Variants in GULP1 observed in about 807,000 individuals in gnomAD.
GULP1 encodes the protein GULP PTB domain containing engulfment adaptor 1.
A neutral mutation model predicts 40.9 loss-of-function variants in GULP1; 19 were observed. The ratio of observed to expected loss-of-function variants is 0.46; its 90% CI spans 0.32 to 0.68. GULP1 has a LOEUF of 0.68. Ranked by LOEUF, GULP1 falls within the 30% of genes least tolerant of loss-of-function variation. The pLI is 0.03. For missense variants in GULP1, 312 were observed against 362.2 expected (o/e 0.86, Z 1.12); for synonymous variants, 119 against 117.6 (o/e 1.01, Z -0.08).
At chr2:188,441,771 T>A (rs2057955672) in intron 2 of GULP1, among the ~76,000 whole-genome samples, 2 of 152,192 alleles carry the variant, frequency 1.3e-5, no homozygotes, top group Admixed American at 6.5e-5. Flanking sequence ...TTTGGTTAAA[T>A]GAGCCAGTAT....
intron 1 of GULP1, among the ~76,000 whole-genome samples, chr2:188,342,202 G>A (rs180671524): frequency 2.6e-4 from 40 of 152,306 alleles, no homozygotes; most frequent in Admixed American, 2.4e-3. Flanking sequence ...CTGGAGGCCG[G>A]AAGTTCAAAA....
chr2:188,518,687 C>T (rs2065430877), intron 4 of GULP1, among the ~76,000 whole-genome samples: 1 of 152,108 alleles, frequency 6.6e-6, no homozygotes, highest in African/African-American at 2.4e-5. Context: ...CCCAGGAGAA[C>T]TGAGCAGGCA....
intron 2 of GULP1, among the ~76,000 whole-genome samples, chr2:188,404,216 A>G (rs1365533052): frequency 6.6e-6 from 1 of 152,184 alleles, no homozygotes; most frequent in African/African-American, 2.4e-5. Flanking sequence ...ATAATTATAA[A>G]GACTGGTTGT....
chr2:188,345,253 C>T (rs1574581274), intron 1 of GULP1, among the ~76,000 whole-genome samples: 3 of 152,178 alleles, frequency 2.0e-5, no homozygotes, highest in South Asian at 2.1e-4. Context: ...CTCTCCTAAG[C>T]GTTTTGCACT....
chr2:188,452,423 T>C (rs1193055912), intron 2 of GULP1, among the ~76,000 whole-genome samples: 1 of 152,210 alleles, frequency 6.6e-6, no homozygotes, highest in Non-Finnish European at 1.5e-5. Flanking sequence ...TCAAGTCTCC[T>C]TTTTAGATGC....
At chr2:188,374,394 T>C (rs1258760763) in intron 1 of GULP1, among the ~76,000 whole-genome samples, 1 of 152,124 alleles carries the variant, frequency 6.6e-6, no homozygotes, top group Non-Finnish European at 1.5e-5. Context: ...AGCCAAAGAA[T>C]ATGCATTGGT....
intron 9 of GULP1, among the ~76,000 whole-genome samples, chr2:188,580,089 GTATT>G (rs150231041): frequency 0.029 from 4,491 of 152,242 alleles, 238 homozygotes; most frequent in African/African-American, 0.1. Context: ...GTTACATAGA[GTATT>G]TGGGAACGAA....
At position 188,459,958 on chromosome 2, in the gene GULP1, C is replaced by T. The variant is rs185566613; in HGVS notation, c.-44-17701C>T. On this transcript the variant is annotated intron_variant, in intron 2 of 11. Coordinates refer to ENST00000409830, the MANE Select transcript of GULP1 (RefSeq NM_016315.4). ...ATAGAAAGTGTGTTTACTGTAGGTG[C>T]GTGGATTTATTTCTGAATTCTCTAT... Among the ~76,000 whole-genome samples, 30 of 151,982 alleles carry T rather than the reference C, an allele frequency of 2.0e-4. No individual in the cohort carries two copies. In the East Asian group the frequency reaches 2.9e-3, roughly 15 times the overall value.
At chr2:188,358,170 G>T (rs4349309) in intron 1 of GULP1, among the ~76,000 whole-genome samples, 26,563 of 152,026 alleles carry the variant, frequency 0.17, 2,389 homozygotes, top group South Asian at 0.23. Context: ...GACAGAGCGA[G>T]ACTCCATCTC....
At chr2:188,373,722 T>C (rs1295974750) in intron 1 of GULP1, among the ~76,000 whole-genome samples, 1 of 152,072 alleles carries the variant, frequency 6.6e-6, no homozygotes, top group East Asian at 1.9e-4. Flanking sequence ...CATAAGAAAA[T>C]ACCTTATTAG....
intron 9 of GULP1, among the ~76,000 whole-genome samples, chr2:188,577,222 C>A (rs1211399021): frequency 6.6e-6 from 1 of 152,052 alleles, no homozygotes; most frequent in Non-Finnish European, 1.5e-5. Flanking sequence ...AAAATTATTT[C>A]TTTACATAAT....
At chr2:188,469,719 A>T (rs1296808556) in intron 2 of GULP1, among the ~76,000 whole-genome samples, 1 of 152,168 alleles carries the variant, frequency 6.6e-6, no homozygotes, top group Non-Finnish European at 1.5e-5. Flanking sequence ...ATTATGTAGA[A>T]GTATGTTTCT....
At chr2:188,539,736 G>A (rs1689951339) in intron 6 of GULP1, among the ~76,000 whole-genome samples, 1 of 152,048 alleles carries the variant, frequency 6.6e-6, no homozygotes. Context: ...AGTTCTCTTA[G>A]CATTTATTTG....
At chr2:188,320,910 C>T (rs1224943936) in intron 1 of GULP1, among the ~76,000 whole-genome samples, 1 of 149,894 alleles carries the variant, frequency 6.7e-6, no homozygotes, top group African/African-American at 2.4e-5. Context: ...TACTCTCCTC[C>T]TCCAGAAAAA....
chr2:188,407,416 G>A (rs2053269015), intron 2 of GULP1, among the ~76,000 whole-genome samples: 1 of 152,088 alleles, frequency 6.6e-6, no homozygotes, highest in Non-Finnish European at 1.5e-5. Flanking sequence ...AAAGCTAAAA[G>A]ACAAAGCTAT....
chr2:188,308,069 CTTGA>C, intron 1 of GULP1, among the ~76,000 whole-genome samples: 2 of 14,912 alleles, frequency 1.3e-4, no homozygotes, highest in Admixed American at 1.2e-3. Context: ...TCACTCAGCT[CTTGA>C]TCATGATTAC....
rs1440977782 is a variant in GULP1, at chr2:188,589,588, C to T, written c.843+1639C>T. ...AGTTTTAAGGATAAGCCTCTATTTC[C>T]AGATTTTGTTGAAACCAAGTGTGAG... On this transcript the variant is annotated intron_variant, in intron 11 of 11. Transcript: ENST00000409830. 7 of 407,464 alleles carry T rather than the reference C, an allele frequency of 1.7e-5. No individual in the cohort carries two copies. In the East Asian group the frequency reaches 2.6e-4, roughly 15 times the overall value. 25.2% of individuals were successfully genotyped at this position (407,464 alleles called of 1,614,324 possible). A position where few individuals can be genotyped will look rare whatever the true frequency, so the allele number is the denominator to read the frequency against.
chr2:188,407,342 A>C (rs2053258633), intron 2 of GULP1, among the ~76,000 whole-genome samples: 2 of 152,216 alleles, frequency 1.3e-5, no homozygotes, highest in Admixed American at 6.5e-5. Flanking sequence ...GTAAATACAC[A>C]GTCTAATTCA....
chr2:188,395,022 G>A (rs746937532), intron 2 of GULP1, among the ~76,000 whole-genome samples: 52 of 152,132 alleles, frequency 3.4e-4, no homozygotes, highest in African/African-American at 6.8e-4. Flanking sequence ...GCTTCAGGCC[G>A]GTAGAGAAGG....
Sources: allele counts gnomAD v4.1 joint callset (sites outside exome capture counted in the v4.1 genomes callset), GRCh38; gene constraint gnomAD v4.1.1; transcripts MANE v1.5; gene names NCBI Gene and HGNC (gene_info 2026-07-23, HGNC 2026-07-21).